Variants in METAP2 observed in about 807,000 individuals in gnomAD.
The protein encoded by METAP2 is methionine aminopeptidase 2.
METAP2 carries 25 observed loss-of-function variants against 59.4 expected under a neutral mutation model. That is an observed-to-expected ratio of 0.42 (90% CI 0.31 to 0.59). The LOEUF (loss-of-function observed/expected upper bound fraction) is 0.59. Ranked by LOEUF, METAP2 falls within the 20% of genes least tolerant of loss-of-function variation. The pLI is 0.16. For missense variants in METAP2, 366 were observed against 581.2 expected, an observed-to-expected ratio of 0.63 and a Z score of 3.81; for synonymous variants, 214 against 194.1, an observed-to-expected ratio of 1.10 and a Z score of -0.85.
In METAP2 at chr12:95,513,645, C is replaced by T. The variant is rs1209567234; in HGVS notation, c.1185-7C>T. On this transcript the variant is annotated splice_region_variant and splice_polypyrimidine_tract_variant and intron_variant, in intron 10 of 10. Coordinates refer to ENST00000323666, the MANE Select transcript of METAP2 (RefSeq NM_006838.4). The stretch of plus-strand genomic sequence containing the variant: ...CCAACAGTTAATTTTGGATTTTCTC[C>T]TCTTAGGCTTCCAAGAACAAAACAC... 2.5e-6 allele frequency: 4 copies of T among 1,611,414 alleles called. No homozygotes were observed. The highest frequency in any genetic ancestry group is 1.1e-5 in the South Asian group (1 of 90,640).
rs1011846205 is a variant in METAP2, at chr12:95,477,819, G to A, written c.259+1641G>A. ...TCAAGAAGCTTATAGTGAACATTTG[G>A]TGGAAAAAAGTGCCAAGATTCAAGG... On this transcript the variant is annotated intron_variant, in intron 2 of 10. Coordinates refer to ENST00000323666, the MANE Select transcript of METAP2 (RefSeq NM_006838.4). 5.9e-5 allele frequency among the ~76,000 whole-genome samples: 9 copies of A among 152,218 alleles called. No homozygotes were observed. In the South Asian group the frequency reaches 1.7e-3, roughly 28 times the overall value.
At chr12:95,496,598 G>C in intron 7 of METAP2, among the ~76,000 whole-genome samples, 1 of 151,930 alleles carries the variant, frequency 6.6e-6, no homozygotes, top group East Asian at 1.9e-4. Flanking sequence ...TATACATAAG[G>C]GGTTTGACAA....
intron 4 of METAP2, among the ~76,000 whole-genome samples, chr12:95,488,970 T>G (rs567515785): frequency 5.3e-5 from 8 of 152,328 alleles, no homozygotes; most frequent in African/African-American, 1.7e-4. Context: ...AATTGACAGT[T>G]TATCACCTTG....
chr12:95,488,611 T>G (rs2076215560), intron 4 of METAP2, among the ~76,000 whole-genome samples: 2 of 152,042 alleles, frequency 1.3e-5, no homozygotes, highest in South Asian at 4.2e-4. Flanking sequence ...ATCTTTAATC[T>G]GGAATTTTTT....
At chr12:95,484,539 C>T (rs548869399) in intron 3 of METAP2, among the ~76,000 whole-genome samples, 1 of 151,434 alleles carries the variant, frequency 6.6e-6, no homozygotes, top group East Asian at 1.9e-4. Flanking sequence ...CTAAATTGCT[C>T]CCTTCTGAAG....
intron 8 of METAP2, among the ~76,000 whole-genome samples, chr12:95,505,538 T>C (rs909508957): frequency 3.3e-5 from 5 of 151,866 alleles, no homozygotes; most frequent in Admixed American, 6.6e-5. Context: ...CAGGCTGGAG[T>C]GCAGTGGCAC....
chr12:95,493,374 C>G (rs1161486541), intron 4 of METAP2, among the ~76,000 whole-genome samples: 1 of 152,126 alleles, frequency 6.6e-6, no homozygotes, highest in Non-Finnish European at 1.5e-5. Flanking sequence ...CTCCCAGCTG[C>G]TTGGGAAGCT....
At chr12:95,487,117 AGAT>A in intron 4 of METAP2, among the ~76,000 whole-genome samples, 1 of 152,350 alleles carries the variant, frequency 6.6e-6, no homozygotes, top group Non-Finnish European at 1.5e-5. Context: ...TTAGAAGAGT[AGAT>A]GCATAGTGAA....
chr12:95,504,763 C>A (rs2076345421), intron 8 of METAP2, among the ~76,000 whole-genome samples: 1 of 152,190 alleles, frequency 6.6e-6, no homozygotes, highest in Non-Finnish European at 1.5e-5. Context: ...CTCAGCCTCC[C>A]AAAGTGCAGG....
chr12:95,476,772 G>A (rs959609966), intron 2 of METAP2, among the ~76,000 whole-genome samples: 1 of 152,108 alleles, frequency 6.6e-6, no homozygotes, highest in African/African-American at 2.4e-5. Context: ...AGATTGAGGG[G>A]TTGTTTATTT....
chr12:95,512,901 G>C lies in METAP2; in HGVS notation c.1169G>C (p.Gly390Ala), dbSNP rs529826073. 1 of 1,600,434 alleles carries C rather than the reference G, an allele frequency of 6.2e-7. No individual in the cohort carries two copies. The highest frequency in any genetic ancestry group is 1.7e-5 in the Admixed American group (1 of 59,912). ...CATTACATGAAAAATTTTGATGTTG[G>C]ACATGTGCCAATAAGGTGAGAGACG... is the stretch of plus-strand genomic sequence containing the variant. ...CSHYMKNFDVGHVPIRLPRTK... is the reference protein window; with the variant it reads ...CSHYMKNFDVAHVPIRLPRTK... The change falls in exon 10 of 11, where the codon GGA (glycine) becomes GCA (alanine). Residue 390 changes from glycine to alanine, a missense_variant. This residue lies in a region of METAP2 where 82 missense variants were observed against 156.2 expected (regional missense o/e 0.52). Coordinates refer to ENST00000323666, the MANE Select transcript of METAP2 (RefSeq NM_006838.4).
intron 10 of METAP2, among the ~76,000 whole-genome samples, chr12:95,513,411 C>T (rs149788711): frequency 7.2e-4 from 110 of 152,292 alleles, no homozygotes; most frequent in African/African-American, 2.2e-3. Context: ...CACACGCACA[C>T]GCGCGCGCAC....
At chr12:95,502,090 C>T (rs574572477) in intron 7 of METAP2, among the ~76,000 whole-genome samples, 156 of 151,714 alleles carry the variant, frequency 1.0e-3, no homozygotes, top group African/African-American at 3.6e-3. Context: ...GCATCCTCGA[C>T]CTCCTGGGCT....
chr12:95,500,957 G>T (rs111778489), intron 7 of METAP2, among the ~76,000 whole-genome samples: 2,350 of 151,180 alleles, frequency 0.016, 68 homozygotes, highest in African/African-American at 0.054. Flanking sequence ...TAAATGTTTG[G>T]TAGAATTAAC....
rs368706865 is a variant in METAP2 at position 95,494,096 on chromosome 12, G to A, written c.469G>A (p.Ala157Thr). ...GAGAACTACAAGTGAAGAAAAGAAA[G>A]CATTAGATCAGGCAAGTGAAGAGAT... ...AWRTTSEEKKALDQASEEIWN... is the reference protein window; with the variant it reads ...AWRTTSEEKKTLDQASEEIWN... Residue 157 changes from alanine (A) to threonine (T), a missense_variant, in exon 5 of 11, where the codon GCA becomes ACA. This residue lies in a region of METAP2 where 106 missense variants were observed against 221.9 expected (regional missense o/e 0.48). Transcript: ENST00000323666. 7.4e-6 allele frequency: 12 copies of A among 1,613,826 alleles called. No individual in the cohort carries two copies. Among genetic ancestry groups the A allele is most frequent in the Non-Finnish European group, 9.3e-6 (11 of 1,179,942 alleles).
chr12:95,488,011 T>A (rs11108070), intron 4 of METAP2, among the ~76,000 whole-genome samples: 6,892 of 152,284 alleles, frequency 0.045, 209 homozygotes, highest in Non-Finnish European at 0.067. Context: ...TTTTTCTCTC[T>A]TTCTCATGTA....
Position 95,494,230 on chromosome 12 carries a change from C to A in METAP2, c.590+13C>A. 5 of 1,605,858 alleles carry A rather than the reference C, an allele frequency of 3.1e-6. No individual in the cohort carries two copies. In the South Asian group the frequency reaches 5.6e-5, roughly 18 times the overall value. The stretch of plus-strand genomic sequence containing the variant: ...TGATAGAAATCTGGTAAAAGGAATA[C>A]TTCTTCGTAAGAACATGATAAAAAA... On this transcript the variant is annotated intron_variant, in intron 5 of 10. Coordinates refer to ENST00000323666, the MANE Select transcript of METAP2 (RefSeq NM_006838.4).
rs2076427495 is a variant in METAP2 at position 95,514,250 on chromosome 12, G to T, written c.*346G>T. 3 of 214,870 alleles carry T rather than the reference G, an allele frequency of 1.4e-5. No homozygotes were observed. Among genetic ancestry groups the T allele is most frequent in the Non-Finnish European group, 2.7e-5 (3 of 109,426 alleles). The allele number at this position is 214,870 out of a possible 1,614,324, so 13.3% of individuals were successfully genotyped here. On this transcript the variant is annotated 3_prime_UTR_variant, in exon 11 of 11. Coordinates refer to ENST00000323666, the MANE Select transcript of METAP2 (RefSeq NM_006838.4). Reference sequence around the variant, plus strand: ...ATATTCTTACTTGAATGCTTTGAATGACTACATCCAGTTCTGCACCTATAC... The same window carrying T: ...ATATTCTTACTTGAATGCTTTGAATTACTACATCCAGTTCTGCACCTATAC...
At position 95,483,144 on chromosome 12, in the gene METAP2, C is replaced by A. The variant is rs1246615079; in HGVS notation, c.260-71C>A. 3.5e-5 allele frequency: 39 copies of A among 1,101,326 alleles called. No individual in the cohort carries two copies. The East Asian group carries it at 5.6e-4, about 16-fold the overall frequency. 68.2% of individuals were successfully genotyped at this position (1,101,326 alleles called of 1,614,324 possible). On this transcript the variant is annotated intron_variant, in intron 2 of 10. Transcript: ENST00000323666. ...TTTATTGAATAGAGCAAATACTTGT[C>A]TCCTTGTACTTGCTTTGTCCCTCTG... is the stretch of plus-strand genomic sequence containing the variant.
Sources: allele counts gnomAD v4.1 joint callset (sites outside exome capture counted in the v4.1 genomes callset), GRCh38; gene constraint gnomAD v4.1.1; regional missense constraint gnomAD v4.1.1; transcripts MANE v1.5; gene names NCBI Gene and HGNC (gene_info 2026-07-23, HGNC 2026-07-21).